The following SETDB1 variants were observed in gnomAD, a reference collection of about 807,000 sequenced individuals.
The protein encoded by SETDB1 is SET domain bifurcated histone lysine methyltransferase 1.
Under a neutral mutation model 137.4 loss-of-function variants are expected in SETDB1, and 31 were observed. That is an observed-to-expected ratio of 0.23 (90% CI 0.17 to 0.30). The LOEUF (loss-of-function observed/expected upper bound fraction) is 0.30. Among genes scored for constraint, SETDB1 ranks in the 10% least tolerant of loss-of-function variants. The probability of loss-of-function intolerance (pLI) is 1.00; values close to 1 mark genes in which losing one functional copy is unlikely to be tolerated. For missense variants in SETDB1, 1,113 were observed against 1,631.5 expected, an observed-to-expected ratio of 0.68 and a Z score of 5.47; for synonymous variants, 548 against 579.9, an observed-to-expected ratio of 0.95 and a Z score of 0.79.
At position 150,949,134 on chromosome 1, in the gene SETDB1, G is replaced by C. The variant is rs587746494; in HGVS notation, c.1280G>C (p.Ser427Thr). 3.1e-6 allele frequency: 5 copies of C among 1,613,634 alleles called. No individual in the cohort carries two copies. Among genetic ancestry groups the C allele is most frequent in the Non-Finnish European group, 4.2e-6 (5 of 1,179,880 alleles). Residue 427 changes from serine (S) to threonine (T), a missense_variant, in exon 11 of 22, where the codon AGC becomes ACC. This residue lies in a region of SETDB1 where 154 missense variants were observed against 303.1 expected (regional missense o/e 0.51). Transcript: ENST00000692827. ...CTTTTTCCTATAGGTGCTGTGAGGA[G>C]CAAAGGCCCTGTTGTCCAGTACACA... ...RTRPNMGAVR[S>T]KGPVVQYTQD... is the part of the protein sequence containing the mutation.
intron 1 of SETDB1, among the ~76,000 whole-genome samples, chr1:150,927,228 C>T (rs887223213): frequency 3.9e-5 from 6 of 152,178 alleles, no homozygotes; most frequent in Admixed American, 2.6e-4. Flanking sequence ...TGGGCTCAAG[C>T]GATCCTCCCA....
At chr1:150,935,991 C>A (rs998658631) in intron 3 of SETDB1, among the ~76,000 whole-genome samples, 2 of 151,928 alleles carry the variant, frequency 1.3e-5, no homozygotes, top group African/African-American at 4.8e-5. Context: ...CCTAGTTATT[C>A]TTTTCTTTTT....
chr1:150,960,829 C>A lies in SETDB1; in HGVS notation c.2770C>A (p.Arg924=), dbSNP rs1330440069. Residue 924 remains arginine, a synonymous_variant, in exon 16 of 22, where the codon CGG becomes AGG. Coordinates refer to ENST00000692827, the MANE Select transcript of SETDB1 (RefSeq NM_001366418.1). ...GGACTTCAGCACCAGTTCAGTGTGG[C>A]GGAGCTATGCTACCCGGAGGCAGAC... The part of the protein sequence containing the change: ...DEDFSTSSVW[R]SYATRRQTRG... 2 of 1,603,662 alleles carry A rather than the reference C, an allele frequency of 1.2e-6. No individual in the cohort carries two copies. Among genetic ancestry groups the A allele is most frequent in the South Asian group, 1.1e-5 (1 of 89,058 alleles).
intron 17 of SETDB1, among the ~76,000 whole-genome samples, 167 bp downstream of exon 17, chr1:150,962,325 T>C (rs1483960296): frequency 6.6e-6 from 1 of 152,108 alleles, no homozygotes; most frequent in Admixed American, 6.6e-5. Context: ...TGCACCACCA[T>C]GCCTGGCTAG....
rs753158954 is a variant in SETDB1 at position 150,963,646 on chromosome 1, C to T, written c.3577C>T (p.Pro1193Ser). Residue 1193 changes from proline (P) to serine (S), a missense_variant, in exon 20 of 22, where the codon CCT becomes TCT. Coordinates refer to ENST00000692827, the MANE Select transcript of SETDB1 (RefSeq NM_001366418.1). ...MASVDKGESA[P>S]VRKNTRQFYD... The stretch of plus-strand genomic sequence containing the variant: ...CTCTGTGGACAAGGGGGAGAGCGCA[C>T]CTGTTCGTAAGAACACACGCCAATT... 3.1e-6 allele frequency: 5 copies of T among 1,614,138 alleles called. No homozygotes were observed. The highest frequency in any genetic ancestry group is 4.2e-6 in the Non-Finnish European group (5 of 1,180,028).
intron 3 of SETDB1, among the ~76,000 whole-genome samples, chr1:150,935,941 C>A (rs1571629572): frequency 6.6e-6 from 1 of 152,250 alleles, no homozygotes; most frequent in East Asian, 1.9e-4. Flanking sequence ...GATAATCTAG[C>A]AACTCTGAGT....
At position 150,964,705 on chromosome 1, in the gene SETDB1, C is replaced by A; in HGVS notation, c.*341C>A. Reference sequence around the variant, plus strand: ...CTACTATCTCCAGTTTGTATTATTTCTTGAAAGTCTTTTAACAATATGATA... The same window carrying A: ...CTACTATCTCCAGTTTGTATTATTTATTGAAAGTCTTTTAACAATATGATA... On this transcript the variant is annotated 3_prime_UTR_variant, in exon 22 of 22. Transcript: ENST00000692827. 1 of 584,676 alleles carries A rather than the reference C, an allele frequency of 1.7e-6. No homozygotes were observed. Among genetic ancestry groups the A allele is most frequent in the Non-Finnish European group, 3.0e-6 (1 of 328,418 alleles). The allele number at this position is 584,676 out of a possible 1,614,324, so 36.2% of individuals were successfully genotyped here.
intron 3 of SETDB1, 102 bp downstream of exon 3, chr1:150,930,220 T>A (rs1669680602): frequency 2.0e-6 from 2 of 1,020,648 alleles, no homozygotes; most frequent in Non-Finnish European, 2.9e-6. Context: ...CCATTGTCAC[T>A]AACTCCATAT....
rs767694682 is a variant in SETDB1, at chr1:150,931,261, CAA to C, written c.412+1162_412+1163del. ...GGTGACAAAGCAAGACTCTTGTCTT[CAA>C]AAAAAAAAAAAAAAAAAAGGGTTTC... On this transcript the variant is annotated intron_variant, in intron 3 of 21. Coordinates refer to ENST00000692827, the MANE Select transcript of SETDB1 (RefSeq NM_001366418.1). Among the ~76,000 whole-genome samples the C allele has an allele frequency of 7.0e-4, 47 of 67,456 alleles. 1 individual carries two copies. The highest frequency in any genetic ancestry group is 1.3e-3 in the African/African-American group (30 of 22,756). The allele number at this position is 67,456 out of a possible 152,430, so 44.3% of individuals were successfully genotyped here. A position where few individuals can be genotyped will look rare whatever the true frequency, so the allele number is the denominator to read the frequency against.
At chr1:150,936,163 A>ATT (rs34336465) in intron 3 of SETDB1, among the ~76,000 whole-genome samples, 14 of 151,168 alleles carry the variant, frequency 9.3e-5, no homozygotes, top group Non-Finnish European at 7.4e-5. Context: ...ATTTTTTTCT[A>ATT]TTTTTTTAGT....
rs1670895671 is a variant in SETDB1, at chr1:150,963,632, A to C, written c.3563A>C (p.Lys1188Thr). ...IKSTNMASVD[K>T]GESAPVRKNT... The stretch of plus-strand genomic sequence containing the variant: ...TCAACCAACATGGCCTCTGTGGACA[A>C]GGGGGAGAGCGCACCTGTTCGTAAG... The change falls in exon 20 of 22, where the codon AAG (lysine) becomes ACG (threonine). Residue 1188 changes from lysine (K) to threonine (T), a missense_variant. Physicochemically the swap from Lys to Thr is moderately conservative, Grantham distance 78. Transcript: ENST00000692827. The C allele has an allele frequency of 6.2e-7, 1 of 1,614,038 alleles. No homozygotes were observed.
rs186193052 is a variant in SETDB1 at position 150,962,571 on chromosome 1, C to T, written c.3162-16C>T. 62 of 1,613,508 alleles carry T rather than the reference C, an allele frequency of 3.8e-5. No homozygotes were observed. The East Asian group carries it at 1.0e-3, about 27-fold the overall frequency. Reference sequence around the variant, plus strand: ...AGCCAGTAACCTGTTGGCTTCATTCCTTCCCCTCCCATTAGAGTTACTGAA... The same window carrying T: ...AGCCAGTAACCTGTTGGCTTCATTCTTTCCCCTCCCATTAGAGTTACTGAA... On this transcript the variant is annotated splice_polypyrimidine_tract_variant and intron_variant, in intron 17 of 21. Transcript: ENST00000692827.
At position 150,941,326 on chromosome 1, in the gene SETDB1, C is replaced by T. The variant is rs772202410; in HGVS notation, c.448-3C>T. 2 of 1,597,558 alleles carry T rather than the reference C, an allele frequency of 1.3e-6. No homozygotes were observed. Among genetic ancestry groups the T allele is most frequent in the Admixed American group, 1.7e-5 (1 of 59,806 alleles). Reference sequence around the variant, plus strand: ...CTTGTTTTCCTCATCCCCTTTTCTACAGCTCCGTGAAGCTATGGCTGCCTT... The same window carrying T: ...CTTGTTTTCCTCATCCCCTTTTCTATAGCTCCGTGAAGCTATGGCTGCCTT... On this transcript the variant is annotated splice_polypyrimidine_tract_variant and splice_region_variant and intron_variant, in intron 4 of 21. Transcript: ENST00000692827.
intron 1 of SETDB1, among the ~76,000 whole-genome samples, chr1:150,927,491 A>G (rs1669567779): frequency 6.6e-6 from 1 of 152,162 alleles, no homozygotes; most frequent in African/African-American, 2.4e-5. Flanking sequence ...CAAACTCTTA[A>G]ATCTTTTTCA....
chr1:150,963,285 C>T, intron 19 of SETDB1, 146 bp downstream of exon 19: 1 of 776,926 alleles, frequency 1.3e-6, no homozygotes, highest in South Asian at 1.9e-5. Context: ...TGACTCCAAG[C>T]TAAACTATTG....
At chr1:150,946,859 C>G (rs777028368) in intron 9 of SETDB1, 27 bp from the exon 10 acceptor site, 129 of 1,613,356 alleles carry the variant, frequency 8.0e-5, no homozygotes, top group Non-Finnish European at 1.0e-4. Context: ...AGCTATTTCC[C>G]TTCATTCTTT....
intron 3 of SETDB1, among the ~76,000 whole-genome samples, chr1:150,937,336 A>G (rs1483413227): frequency 6.6e-6 from 1 of 152,016 alleles, no homozygotes; most frequent in Non-Finnish European, 1.5e-5. Context: ...GAGGGAGGGG[A>G]AAATGGGGAG....
At position 150,950,681 on chromosome 1, in the gene SETDB1, G is replaced by A. The variant is rs757755587; in HGVS notation, c.1807G>A (p.Val603Ile). ...EQYRGKNPLL[V>I]PLLYDFRRMT... is the part of the protein sequence containing the mutation. ...GTACCGGGGCAAGAACCCTCTGCTG[G>A]TCCCGTTACTATATGACTTCCGGCG... The change falls in exon 13 of 22, where the codon GTC becomes ATC. Residue 603 changes from valine to isoleucine, a missense_variant. By Grantham distance (29) the Val-to-Ile change is conservative. Transcript: ENST00000692827. 6.2e-7 allele frequency: 1 copy of A among 1,614,202 alleles called. No homozygotes were observed. The highest frequency in any genetic ancestry group is 8.5e-7 in the Non-Finnish European group (1 of 1,180,038).
In SETDB1 at chr1:150,951,419, A is replaced by T; in HGVS notation, c.2271A>T (p.Gly757=). ...TCCAGGCTACAGCCTGTACCCCAGG[A>T]GGCCAAATCAACCCTAACTCTGGCT... ...LTIQATACTP[G]GQINPNSGYQ... is the part of the protein sequence containing the mutation. Residue 757 remains glycine (G), a synonymous_variant, in exon 14 of 22, where the codon GGA becomes GGT. Coordinates refer to ENST00000692827, the MANE Select transcript of SETDB1 (RefSeq NM_001366418.1). 6.2e-7 allele frequency: 1 copy of T among 1,614,026 alleles called. No homozygotes were observed. Among genetic ancestry groups the T allele is most frequent in the Non-Finnish European group, 8.5e-7 (1 of 1,179,864 alleles).
Sources: gnomAD v4.1 joint callset for allele counts (sites outside exome capture counted in the v4.1 genomes callset) on GRCh38, gnomAD v4.1.1 for gene constraint, gnomAD v4.1.1 regional missense constraint, MANE v1.5 for transcripts, NCBI Gene and HGNC (gene_info 2026-07-23, HGNC 2026-07-21) for gene names.